Variants in UBTD1 observed in about 807,000 individuals in gnomAD.
The protein encoded by UBTD1 is ubiquitin domain containing 1, also known as ubiquitin domain-containing protein 1.
A neutral mutation model predicts 21.7 loss-of-function variants in UBTD1; 19 were observed. That is an observed-to-expected ratio of 0.87 (90% CI 0.61 to 1.28). The LOEUF is 1.28. Ranked by LOEUF, UBTD1 falls within the 50% of genes most tolerant of loss-of-function variation. The pLI, the probability that UBTD1 is intolerant of heterozygous loss-of-function variation, is 0.00. For missense variants in UBTD1, 282 were observed against 315.1 expected (o/e 0.89, Z 0.80); for synonymous variants, 116 against 135.1 (o/e 0.86, Z 0.98).
At chr10:97,527,700 T>C (rs2135667330) in intron 1 of UBTD1, among the ~76,000 whole-genome samples, 1 of 152,118 alleles carries the variant, frequency 6.6e-6, no homozygotes, top group African/African-American at 2.4e-5. Flanking sequence ...AAGCACATCT[T>C]GCACCACCCT....
chr10:97,517,619 C>T (rs769395350), intron 1 of UBTD1, among the ~76,000 whole-genome samples: 13 of 152,146 alleles, frequency 8.5e-5, no homozygotes, highest in Non-Finnish European at 1.3e-4. Flanking sequence ...CATGGCACTG[C>T]CCGGTGGCCC....
At chr10:97,500,487 C>T (rs1332082981) in intron 1 of UBTD1, among the ~76,000 whole-genome samples, 1 of 152,234 alleles carries the variant, frequency 6.6e-6, no homozygotes, top group Admixed American at 6.5e-5. Flanking sequence ...CTGAAGGTAA[C>T]TCTGGCCATT....
chr10:97,541,928 G>A (rs2040589105), intron 1 of UBTD1, among the ~76,000 whole-genome samples: 1 of 151,916 alleles, frequency 6.6e-6, no homozygotes, highest in South Asian at 2.1e-4. Flanking sequence ...TAGAGATGGA[G>A]TTTCACCATG....
chr10:97,553,363 TCAGG>T (rs561833496), intron 1 of UBTD1, among the ~76,000 whole-genome samples: 2 of 152,354 alleles, frequency 1.3e-5, no homozygotes, highest in African/African-American at 4.8e-5. Context: ...ACTCCTGACC[TCAGG>T]TGATCCACCT....
At chr10:97,551,139 C>A (rs1398563338) in intron 1 of UBTD1, among the ~76,000 whole-genome samples, 1 of 152,228 alleles carries the variant, frequency 6.6e-6, no homozygotes, top group Non-Finnish European at 1.5e-5. Context: ...GAGAATCTGT[C>A]TTTTGAACCA....
chr10:97,551,032 C>T (rs567311010), intron 1 of UBTD1, among the ~76,000 whole-genome samples: 2 of 152,336 alleles, frequency 1.3e-5, no homozygotes, highest in South Asian at 4.1e-4. Flanking sequence ...ATTTCCACTC[C>T]TGTTTTGCTG....
Position 97,539,707 on chromosome 10 carries a change from G to A in UBTD1, c.71-28207G>A, listed in dbSNP as rs544470717. On this transcript the variant is annotated intron_variant, in intron 1 of 2. Transcript: ENST00000370664. ...TCAAGCCTTTCTTGGGGGAGGGGAC[G>A]GCCTGCATGGAGGGAAGTGGGGCTG... Among the ~76,000 whole-genome samples, 26 of 152,188 alleles carry A rather than the reference G, an allele frequency of 1.7e-4. No homozygotes were observed. In the South Asian group the frequency reaches 2.1e-3, roughly 12 times the overall value.
intron 1 of UBTD1, among the ~76,000 whole-genome samples, chr10:97,514,569 G>A (rs749161609): frequency 1.3e-5 from 2 of 152,130 alleles, no homozygotes; most frequent in East Asian, 1.9e-4. Context: ...GGTTAGCATC[G>A]CCCTTCCGCT....
chr10:97,546,216 G>T (rs1214225790), intron 1 of UBTD1, among the ~76,000 whole-genome samples: 1 of 152,200 alleles, frequency 6.6e-6, no homozygotes, highest in East Asian at 1.9e-4. Context: ...GGGGTAGTTG[G>T]TGAGTCTCCA....
At position 97,567,101 on chromosome 10, in the gene UBTD1, C is replaced by T. The variant is rs147465588; in HGVS notation, c.71-813C>T. On this transcript the variant is annotated intron_variant, in intron 1 of 2. Coordinates refer to ENST00000370664, the MANE Select transcript of UBTD1 (RefSeq NM_024954.5). The stretch of plus-strand genomic sequence containing the variant: ...TAATTTTTTTTTTGAGACATGGTTT[C>T]GCTGTGTTGCCCAGGATGGAGTGCA... Among the ~76,000 whole-genome samples, 404 of 151,264 alleles carry T rather than the reference C, an allele frequency of 2.7e-3. 3 individuals carry two copies. Among genetic ancestry groups the T allele is most frequent in the African/African-American group, 9.1e-3 (376 of 41,252 alleles).
intron 1 of UBTD1, among the ~76,000 whole-genome samples, chr10:97,551,129 G>C (rs751807792): frequency 1.3e-5 from 2 of 152,224 alleles, no homozygotes; most frequent in Non-Finnish European, 1.5e-5. Flanking sequence ...GGTAGGCCCT[G>C]AGAATCTGTC....
At chr10:97,564,560 C>G (rs773765749) in intron 1 of UBTD1, among the ~76,000 whole-genome samples, 4 of 152,088 alleles carry the variant, frequency 2.6e-5, no homozygotes, top group Non-Finnish European at 4.4e-5. Context: ...TCCACAACTC[C>G]TTATTATTAT....
intron 1 of UBTD1, among the ~76,000 whole-genome samples, chr10:97,547,994 A>G (rs2040619173): frequency 6.6e-6 from 1 of 152,018 alleles, no homozygotes; most frequent in Non-Finnish European, 1.5e-5. Flanking sequence ...TCTTTTCAGC[A>G]CTGGGCAGAG....
chr10:97,522,952 C>T (rs1036910921), intron 1 of UBTD1, among the ~76,000 whole-genome samples: 8 of 152,074 alleles, frequency 5.3e-5, no homozygotes, highest in African/African-American at 1.7e-4. Context: ...TTTCTTTTTC[C>T]GCTGTCTCCT....
chr10:97,516,014 C>A (rs2135661037), intron 1 of UBTD1, among the ~76,000 whole-genome samples: 1 of 152,328 alleles, frequency 6.6e-6, no homozygotes, highest in East Asian at 1.9e-4. Flanking sequence ...CATTTAATAG[C>A]CACATAAGGA....
At chr10:97,567,866 G>C (rs1242841820) in intron 1 of UBTD1, 48 bp from the exon 2 acceptor site, 7 of 1,594,476 alleles carry the variant, frequency 4.4e-6, no homozygotes, top group African/African-American at 2.7e-5. Context: ...GCAGGTTGCA[G>C]CTCAAGTGGC....
intron 1 of UBTD1, among the ~76,000 whole-genome samples, chr10:97,521,132 G>A (rs2040465387): frequency 6.6e-6 from 1 of 152,214 alleles, no homozygotes; most frequent in African/African-American, 2.4e-5. Context: ...TGAGTTCTGA[G>A]CTAACCTTGT....
intron 1 of UBTD1, among the ~76,000 whole-genome samples, chr10:97,545,877 C>T (rs891054925): frequency 2.0e-5 from 3 of 152,144 alleles, no homozygotes; most frequent in Non-Finnish European, 4.4e-5. Flanking sequence ...AGTGCAGTGG[C>T]GCAATCTCAG....
rs1036821944 is a variant in UBTD1 at position 97,570,643 on chromosome 10, G to T, written c.*120G>T. The T allele has an allele frequency of 1.8e-5, 23 of 1,276,838 alleles. No individual in the cohort carries two copies. The highest frequency in any genetic ancestry group is 1.8e-4 in the Admixed American group (7 of 39,870). The allele number at this position is 1,276,838 out of a possible 1,614,324, so 79.1% of individuals were successfully genotyped here. ...TCCCCTCGGTGTGGCTGGTGGGTGAGCCGTGAAGGGACCCTGCCTTTCAGG... is the reference window on the plus strand; with the variant it reads ...TCCCCTCGGTGTGGCTGGTGGGTGATCCGTGAAGGGACCCTGCCTTTCAGG... On this transcript the variant is annotated 3_prime_UTR_variant, in exon 3 of 3. Coordinates refer to ENST00000370664, the MANE Select transcript of UBTD1 (RefSeq NM_024954.5). This position sits in a 1 kb window ranked among gnomAD's most constrained non-coding sequence, Gnocchi z 6.6.
Sources: gnomAD v4.1 joint callset for allele counts (sites outside exome capture counted in the v4.1 genomes callset) on GRCh38, gnomAD v4.1.1 for gene constraint, Gnocchi (gnomAD v3.1) non-coding constraint, MANE v1.5 for transcripts, NCBI Gene and HGNC (gene_info 2026-07-23, HGNC 2026-07-21) for gene names.